The following SCFD2 variants were observed in gnomAD, a reference collection of about 807,000 sequenced individuals.
The protein encoded by SCFD2 is sec1 family domain containing 2.
A neutral mutation model predicts 58.9 loss-of-function variants in SCFD2; 54 were observed. That is an observed-to-expected ratio of 0.92 (90% CI 0.74 to 1.15). SCFD2 has a LOEUF of 1.15. Among genes scored for constraint, SCFD2 ranks in the 50% most tolerant of loss-of-function variants. SCFD2 has a pLI of 0.00. For synonymous variants in SCFD2, 321 were observed against 335.9 expected, an observed-to-expected ratio of 0.96 and a Z score of 0.49; for missense variants, 805 against 836.6, an observed-to-expected ratio of 0.96 and a Z score of 0.47.
intron 4 of SCFD2, among the ~76,000 whole-genome samples, chr4:53,256,096 C>T (rs1314356389): frequency 2.0e-3 from 301 of 149,820 alleles, no homozygotes; most frequent in Non-Finnish European, 3.6e-3. Context: ...GACGGGGTGG[C>T]TGCCGGGCGG....
intron 5 of SCFD2, among the ~76,000 whole-genome samples, chr4:53,052,207 C>G (rs1186936509): frequency 6.6e-6 from 1 of 152,210 alleles, no homozygotes; most frequent in Non-Finnish European, 1.5e-5. Flanking sequence ...CCCTTACTCT[C>G]TTCACTCCAG....
chr4:53,173,244 A>T (rs535305998), intron 4 of SCFD2, among the ~76,000 whole-genome samples: 367 of 152,316 alleles, frequency 2.4e-3, no homozygotes, highest in Non-Finnish European at 4.2e-3. Context: ...TCAAAAGTGC[A>T]TTTTTGACTT....
At chr4:52,975,732 AT>A (rs1243869311) in intron 5 of SCFD2, among the ~76,000 whole-genome samples, 3 of 152,182 alleles carry the variant, frequency 2.0e-5, no homozygotes, top group Non-Finnish European at 4.4e-5. Context: ...ACGAATATTT[AT>A]TGTGGCACTA....
intron 3 of SCFD2, among the ~76,000 whole-genome samples, chr4:53,312,814 A>G (rs2149110400): frequency 6.6e-6 from 1 of 152,320 alleles, no homozygotes; most frequent in African/African-American, 2.4e-5. Flanking sequence ...ATTATAAGAG[A>G]GAAACCTTAT....
At chr4:52,940,265 C>A (rs1260428915) in intron 5 of SCFD2, among the ~76,000 whole-genome samples, 2 of 152,156 alleles carry the variant, frequency 1.3e-5, no homozygotes, top group African/African-American at 4.8e-5. Flanking sequence ...AAAACCCAGC[C>A]AAGGACCCCA....
At chr4:53,231,871 A>T (rs1729450795) in intron 4 of SCFD2, among the ~76,000 whole-genome samples, 1 of 152,138 alleles carries the variant, frequency 6.6e-6, no homozygotes, top group Admixed American at 6.5e-5. Context: ...TGTTATATAT[A>T]TATTAAAGTT....
At chr4:53,098,015 C>T (rs1046164170) in intron 5 of SCFD2, among the ~76,000 whole-genome samples, 6 of 152,148 alleles carry the variant, frequency 3.9e-5, no homozygotes, top group Admixed American at 3.3e-4. Flanking sequence ...TGCTGGTTTA[C>T]GTTTACTGAT....
chr4:53,079,433 G>A (rs1724077297), intron 5 of SCFD2, among the ~76,000 whole-genome samples: 1 of 152,156 alleles, frequency 6.6e-6, no homozygotes, highest in Non-Finnish European at 1.5e-5. Flanking sequence ...GCATACCTTA[G>A]CCAAGTCAAG....
At chr4:53,299,518 A>T (rs1018775684) in intron 3 of SCFD2, among the ~76,000 whole-genome samples, 1 of 152,204 alleles carries the variant, frequency 6.6e-6, no homozygotes, top group African/African-American at 2.4e-5. Flanking sequence ...GTTGGAAAAC[A>T]CTCTGCAGGA....
chr4:53,294,779 C>A (rs116793981), intron 3 of SCFD2, among the ~76,000 whole-genome samples: 1 of 150,844 alleles, frequency 6.6e-6, no homozygotes, highest in South Asian at 2.1e-4. Context: ...TCAGGTATTG[C>A]GTTTAAGTCT....
chr4:53,243,178 A>G (rs949501644), intron 4 of SCFD2, among the ~76,000 whole-genome samples: 3 of 152,190 alleles, frequency 2.0e-5, no homozygotes, highest in Non-Finnish European at 4.4e-5. Flanking sequence ...ACACATAATT[A>G]ACAGATTCTC....
At chr4:52,879,750 G>A (rs935595449) in intron 8 of SCFD2, among the ~76,000 whole-genome samples, 2 of 152,216 alleles carry the variant, frequency 1.3e-5, no homozygotes, top group African/African-American at 4.8e-5. Context: ...TAATTTGTAG[G>A]TGCCAGCATC....
At chr4:53,315,099 A>C (rs1049656996) in intron 2 of SCFD2, among the ~76,000 whole-genome samples, 1 of 152,172 alleles carries the variant, frequency 6.6e-6, no homozygotes, top group Non-Finnish European at 1.5e-5. Context: ...CAATGCTTGC[A>C]TAGGTGTTTA....
Position 53,020,742 on chromosome 4 carries a change from G to A in SCFD2, c.1562-99872C>T, listed in dbSNP as rs548944280. On this transcript the variant is annotated intron_variant, in intron 5 of 8. Transcript: ENST00000401642. ...GAGGGTACAAATGAAATACACCACC[G>A]CCACACAGGGCAGATAAAGACTTCC... Among the ~76,000 whole-genome samples, 66 of 152,254 alleles carry A rather than the reference G, an allele frequency of 4.3e-4. 1 individual carries two copies. The highest frequency in any genetic ancestry group is 6.8e-4 in the Non-Finnish European group (46 of 68,008).
intron 5 of SCFD2, among the ~76,000 whole-genome samples, chr4:53,126,956 T>A (rs190415838): frequency 1.2e-4 from 18 of 152,136 alleles, no homozygotes; most frequent in Admixed American, 1.2e-3. Flanking sequence ...CTGAATGGAG[T>A]GCTCAGTACC....
chr4:53,347,643 A>G (rs1000768682), intron 2 of SCFD2, among the ~76,000 whole-genome samples: 1 of 152,220 alleles, frequency 6.6e-6, no homozygotes, highest in African/African-American at 2.4e-5. Context: ...GATCTGAGTC[A>G]GAGGAACTTT....
chr4:53,223,185 CTCTT>C (rs1435449819), intron 4 of SCFD2, among the ~76,000 whole-genome samples: 3 of 152,098 alleles, frequency 2.0e-5, no homozygotes, highest in Non-Finnish European at 4.4e-5. Context: ...TCCAATTCTT[CTCTT>C]TTTTTAGTTT....
chr4:53,325,502 A>G (rs1467209244), intron 2 of SCFD2, among the ~76,000 whole-genome samples: 1 of 150,614 alleles, frequency 6.6e-6, no homozygotes, highest in African/African-American at 2.4e-5. Context: ...GACCTGCAAT[A>G]AACAAAGAAG....
At chr4:53,132,393 C>A (rs62324999) in intron 5 of SCFD2, among the ~76,000 whole-genome samples, 1 of 152,100 alleles carries the variant, frequency 6.6e-6, no homozygotes, top group African/African-American at 2.4e-5. Context: ...AAAAAATAGA[C>A]CCTATTATAC....
Sources: allele counts gnomAD v4.1 joint callset (sites outside exome capture counted in the v4.1 genomes callset), GRCh38; gene constraint gnomAD v4.1.1; transcripts MANE v1.5; gene names NCBI Gene and HGNC (gene_info 2026-07-23, HGNC 2026-07-21).